The following ABCA6 variants were observed in gnomAD, a reference collection of about 807,000 sequenced individuals.
ABCA6 encodes the protein ATP binding cassette subfamily A member 6, also known as ATP-binding cassette sub-family A member 6.
A neutral mutation model predicts 191.2 loss-of-function variants in ABCA6; 164 were observed. The observed-to-expected ratio is 0.86, with a 90% CI of 0.76 to 0.98. The LOEUF (loss-of-function observed/expected upper bound fraction) is 0.98, where lower values mean the gene tolerates loss of function less well. ABCA6 is among the 50% of genes least tolerant of loss of function. ABCA6 has a pLI of 0.00. For missense variants in ABCA6, 1,958 were observed against 1,894.1 expected (o/e 1.03, Z -0.63); for synonymous variants, 636 against 647.7 (o/e 0.98, Z 0.27).
At chr17:69,129,219 T>C (rs1219928456) in intron 7 of ABCA6, among the ~76,000 whole-genome samples, 3 of 152,030 alleles carry the variant, frequency 2.0e-5, no homozygotes, top group African/African-American at 7.2e-5. Flanking sequence ...GAAGTAAGTA[T>C]GAGACAGAAT....
chr17:69,137,206 T>A, intron 3 of ABCA6, 90 bp downstream of exon 3: 1 of 1,222,666 alleles, frequency 8.2e-7, no homozygotes, highest in Non-Finnish European at 1.2e-6. Context: ...GCATAATATA[T>A]GACTTTAACT....
intron 25 of ABCA6, among the ~76,000 whole-genome samples, chr17:69,092,714 C>A (rs1046950849): frequency 6.6e-5 from 10 of 152,118 alleles, no homozygotes; most frequent in African/African-American, 2.4e-4. Flanking sequence ...AGAAACATTG[C>A]CTACACTGTC....
intron 14 of ABCA6, 104 bp from the exon 15 acceptor site, chr17:69,113,464 C>A: frequency 1.3e-6 from 2 of 1,508,006 alleles, no homozygotes; most frequent in Non-Finnish European, 1.8e-6. Flanking sequence ...AACCATCCAG[C>A]CATTTTTCTC....
At chr17:69,128,589 C>T in intron 8 of ABCA6, 30 bp downstream of exon 8, 1 of 1,556,952 alleles carries the variant, frequency 6.4e-7, no homozygotes, top group Non-Finnish European at 8.7e-7. Flanking sequence ...TTTGAAATTT[C>T]AGTAATAAAC....
At chr17:69,128,377 A>G (rs1453111301) in intron 8 of ABCA6, among the ~76,000 whole-genome samples, 1 of 152,084 alleles carries the variant, frequency 6.6e-6, no homozygotes, top group Non-Finnish European at 1.5e-5. Context: ...AAAAAAACCT[A>G]GAAGAAAATA....
intron 13 of ABCA6, 51 bp from the exon 14 acceptor site, chr17:69,113,788 A>C: frequency 6.5e-7 from 1 of 1,540,424 alleles, no homozygotes. Context: ...GAAGACATTT[A>C]TGCAGCCAAA....
At chr17:69,085,814 A>G in intron 30 of ABCA6, 98 bp from the exon 31 acceptor site, 1 of 776,752 alleles carries the variant, frequency 1.3e-6, no homozygotes, top group Non-Finnish European at 2.2e-6. Context: ...TGCACCCTTC[A>G]GTTAGTACCA....
chr17:69,128,888 T>TAAAAAGAAG lies in ABCA6; in HGVS notation c.934-85_934-84insCTTCTTTTT, dbSNP rs2073807715. 2.6e-5 allele frequency: 27 copies of TAAAAAGAAG among 1,050,612 alleles called. No individual in the cohort carries two copies. In the South Asian group the frequency reaches 5.0e-4, roughly 19 times the overall value. The allele number at this position is 1,050,612 out of a possible 1,614,324, so 65.1% of individuals were successfully genotyped here. ...TTGGCAGCCCAATCAAATAAGGATT[T>TAAAAAGAAG]TTATATCATAACATAAATATTTATC... On this transcript the variant is annotated intron_variant, in intron 7 of 38. Coordinates refer to ENST00000284425, the MANE Select transcript of ABCA6 (RefSeq NM_080284.3).
chr17:69,114,776 C>T lies in ABCA6; in HGVS notation c.1768G>A (p.Glu590Lys). 6.2e-7 allele frequency: 1 copy of T among 1,609,578 alleles called. No individual in the cohort carries two copies. Among genetic ancestry groups the T allele is most frequent in the Admixed American group, 1.7e-5 (1 of 59,346 alleles). The stretch of plus-strand genomic sequence containing the variant: ...TGCCCTCCTACCTCTTGTTCCACTT[C>T]CTTTAGATGAATCCCTTTTATTTTA... ...FAKIKGIHLK[E>K]VEQEVQRILL... is the part of the protein sequence containing the mutation. Residue 590 changes from glutamate to lysine, a missense_variant, in exon 13 of 39, where the codon GAA becomes AAA. Glu to Lys is a moderately conservative substitution (Grantham distance 56). Coordinates refer to ENST00000284425, the MANE Select transcript of ABCA6 (RefSeq NM_080284.3).
chr17:69,084,643 G>T, intron 32 of ABCA6, 136 bp from the exon 33 acceptor site: 1 of 782,430 alleles, frequency 1.3e-6, no homozygotes, highest in Non-Finnish European at 2.0e-6. Context: ...TTAAAAAAGA[G>T]ATTGGTTTAT....
chr17:69,125,315 C>G (rs994704671), intron 8 of ABCA6, among the ~76,000 whole-genome samples: 4 of 151,516 alleles, frequency 2.6e-5, no homozygotes, highest in African/African-American at 9.7e-5. Context: ...TGCAGTATTA[C>G]AAATATCTAT....
chr17:69,103,007 A>C, intron 20 of ABCA6, 39 bp from the exon 21 acceptor site: 1 of 1,270,276 alleles, frequency 7.9e-7, no homozygotes, highest in Non-Finnish European at 1.1e-6. Context: ...TAGAAAAGTA[A>C]GAAAATACAT....
Position 69,136,147 on chromosome 17 carries a change from A to G in ABCA6, c.405T>C (p.Tyr135=), listed in dbSNP as rs377026691. The part of the protein sequence containing the change: ...MGIIFNETFS[Y]KLIFFQGYNS... Reference sequence around the variant, plus strand: ...TATATCCCTGGAAAAATATTAACTTATAAGAGAAAGTTTCATTAAAGATGA... The same window carrying G: ...TATATCCCTGGAAAAATATTAACTTGTAAGAGAAAGTTTCATTAAAGATGA... Residue 135 remains tyrosine, a synonymous_variant, in exon 4 of 39, where the codon TAT becomes TAC. Transcript: ENST00000284425. The G allele has an allele frequency of 1.7e-5, 28 of 1,608,512 alleles. No individual in the cohort carries two copies. Among genetic ancestry groups the G allele is most frequent in the Middle Eastern group, 1.6e-4 (1 of 6,074 alleles).
intron 13 of ABCA6, among the ~76,000 whole-genome samples, chr17:69,114,226 T>C (rs9904389): frequency 0.18 from 28,048 of 152,030 alleles, 4,932 homozygotes; most frequent in African/African-American, 0.46. Context: ...TGGAATACTA[T>C]GCAGCCCATA....
intron 18 of ABCA6, among the ~76,000 whole-genome samples, chr17:69,107,028 A>G (rs1300342219): frequency 6.6e-6 from 1 of 152,176 alleles, no homozygotes; most frequent in African/African-American, 2.4e-5. Flanking sequence ...CTACTAAGGT[A>G]TCAATCATTT....
rs115714497 is a variant in ABCA6 at position 69,119,642 on chromosome 17, G to A, written c.1437-1686C>T. 2.0e-3 allele frequency among the ~76,000 whole-genome samples: 305 copies of A among 152,130 alleles called. 3 individuals are homozygous for A. The highest frequency in any genetic ancestry group is 7.1e-3 in the African/African-American group (294 of 41,544). On this transcript the variant is annotated intron_variant, in intron 10 of 38. Coordinates refer to ENST00000284425, the MANE Select transcript of ABCA6 (RefSeq NM_080284.3). The stretch of plus-strand genomic sequence containing the variant: ...CATCTTTTGGCATCCTCGGCCTCAT[G>A]TTTTATGTGTCAGGATCACCAAACC...
chr17:69,136,256 A>C lies in ABCA6; in HGVS notation c.302-6T>G. 2 of 1,517,500 alleles carry C rather than the reference A, an allele frequency of 1.3e-6. No individual in the cohort carries two copies. The highest frequency in any genetic ancestry group is 1.8e-6 in the Non-Finnish European group (2 of 1,133,474). 94.0% of individuals were successfully genotyped at this position (1,517,500 alleles called of 1,614,324 possible). Reference sequence around the variant, plus strand: ...TGCCCCAATGACACTTGTTCCTGTGAATTACAAGGTAAAAATAGACATAGA... The same window carrying C: ...TGCCCCAATGACACTTGTTCCTGTGCATTACAAGGTAAAAATAGACATAGA... On this transcript the variant is annotated splice_region_variant and splice_polypyrimidine_tract_variant and intron_variant, in intron 3 of 38. Coordinates refer to ENST00000284425, the MANE Select transcript of ABCA6 (RefSeq NM_080284.3).
Position 69,097,910 on chromosome 17 carries a change from T to G in ABCA6, c.3120+10A>C. 1 of 1,562,086 alleles carries G rather than the reference T, an allele frequency of 6.4e-7. No individual in the cohort carries two copies. The highest frequency in any genetic ancestry group is 1.2e-5 in the South Asian group (1 of 83,612). ...TCCTGAAATTTCTTCTTTTCCCTGCTTTTTCTTACCTTGTAATCACTGATG... is the reference window on the plus strand; with the variant it reads ...TCCTGAAATTTCTTCTTTTCCCTGCGTTTTCTTACCTTGTAATCACTGATG... On this transcript the variant is annotated intron_variant, in intron 23 of 38. Transcript: ENST00000284425.
rs1337609492 is a variant in ABCA6, at chr17:69,123,296, G to A, written c.1379C>T (p.Pro460Leu). 5 of 1,561,542 alleles carry A rather than the reference G, an allele frequency of 3.2e-6. No individual in the cohort carries two copies. The highest frequency in any genetic ancestry group is 4.6e-5 in the East Asian group (2 of 43,762). Residue 460 changes from proline to leucine, a missense_variant, in exon 10 of 39, where the codon CCC becomes CTC. Pro to Leu is a moderately conservative substitution (Grantham distance 98). Transcript: ENST00000284425. ...VIEKEIDAEH[P>L]SDDYFEPVAP... ...TACTGGTTCAAAATAATCATCAGAGGGATGCTCAGCATCGATTTCTTTCTC... is the reference window on the plus strand; with the variant it reads ...TACTGGTTCAAAATAATCATCAGAGAGATGCTCAGCATCGATTTCTTTCTC...
Sources: gnomAD v4.1 joint callset for allele counts (sites outside exome capture counted in the v4.1 genomes callset) on GRCh38, gnomAD v4.1.1 for gene constraint, MANE v1.5 for transcripts, NCBI Gene and HGNC (gene_info 2026-07-23, HGNC 2026-07-21) for gene names.